NAV2: variants seen among roughly 807,000 people sequenced by gnomAD.
NAV2 encodes helicase, APC down-regulated 1.
In NAV2, 54 loss-of-function variants were observed where a neutral mutation model predicts 223.2. The observed-to-expected ratio is 0.24, with a 90% CI of 0.19 to 0.30. The LOEUF is 0.30. Among genes scored for constraint, NAV2 ranks in the 10% least tolerant of loss-of-function variants. NAV2 has a pLI of 1.00. For missense variants in NAV2, 2,806 were observed against 3,147.5 expected, an observed-to-expected ratio of 0.89 and a Z score of 2.60; for synonymous variants, 1,279 against 1,239.3, an observed-to-expected ratio of 1.03 and a Z score of -0.67.
At chr11:19,374,315 T>G (rs1458111431) in intron 1 of NAV2, among the ~76,000 whole-genome samples, 5 of 147,416 alleles carry the variant, frequency 3.4e-5, no homozygotes, top group African/African-American at 5.3e-5. Flanking sequence ...AAAGGTTTTT[T>G]TTTTTTTTTT....
At chr11:20,098,605 A>G (rs1378129466) in intron 31 of NAV2, among the ~76,000 whole-genome samples, 9 of 152,234 alleles carry the variant, frequency 5.9e-5, no homozygotes, top group African/African-American at 2.2e-4. Context: ...CCTGGTTGGT[A>G]GAATTTCCAC....
intron 10 of NAV2, among the ~76,000 whole-genome samples, chr11:19,973,089 C>T (rs914569710): frequency 3.3e-5 from 5 of 152,200 alleles, no homozygotes; most frequent in Admixed American, 6.5e-5. Context: ...TGTCTATTCT[C>T]AGTACACCGT....
intron 1 of NAV2, among the ~76,000 whole-genome samples, chr11:19,516,336 C>T (rs1386446): frequency 0.3 from 45,800 of 152,080 alleles, 8,069 homozygotes; most frequent in Admixed American, 0.4. Context: ...GCCACCTTTC[C>T]TAACAACTCC....
rs2041587801 is a variant in NAV2, at chr11:19,892,527, C to G, written c.864C>G (p.Ser288Arg). The G allele has an allele frequency of 6.2e-7, 1 of 1,614,114 alleles. No individual in the cohort carries two copies. Among genetic ancestry groups the G allele is most frequent in the Non-Finnish European group, 8.5e-7 (1 of 1,180,046 alleles). Residue 288 changes from serine to arginine, a missense_variant, in exon 6 of 38, where the codon AGC becomes AGG. Physicochemically the swap from Ser to Arg is moderately radical, Grantham distance 110 (BLOSUM62 -1). Coordinates refer to ENST00000349880, the MANE Select transcript of NAV2 (RefSeq NM_145117.5). ...CTGCTAACAACCGACGCAGCCAGAG[C>G]TTTAACAACTATGATAAATCCAAAC... ...STTANNRRSQ[S>R]FNNYDKSKPV...
intron 1 of NAV2, among the ~76,000 whole-genome samples, chr11:19,441,851 G>A (rs867903299): frequency 5.9e-5 from 9 of 152,318 alleles, no homozygotes; most frequent in Middle Eastern, 3.4e-3. Flanking sequence ...TTGAAAGCAA[G>A]CATTAGCACG....
intron 4 of NAV2, among the ~76,000 whole-genome samples, chr11:19,874,280 G>C (rs775304431): frequency 3.9e-5 from 6 of 152,198 alleles, no homozygotes; most frequent in African/African-American, 7.2e-5. Flanking sequence ...AATTCAAATA[G>C]AAATTGGAAT....
At chr11:19,730,996 T>C (rs189802847) in intron 1 of NAV2, among the ~76,000 whole-genome samples, 127 of 152,366 alleles carry the variant, frequency 8.3e-4, no homozygotes, top group Non-Finnish European at 1.7e-3. Context: ...TTGTGGGTCA[T>C]GGGACACACT....
chr11:19,538,170 G>T (rs2044241671), intron 1 of NAV2, among the ~76,000 whole-genome samples: 1 of 152,160 alleles, frequency 6.6e-6, no homozygotes, highest in Non-Finnish European at 1.5e-5. Context: ...AAATGTCATT[G>T]ATATTGGAAG....
intron 9 of NAV2, among the ~76,000 whole-genome samples, chr11:19,948,424 T>C (rs2047109815): frequency 6.6e-6 from 1 of 152,108 alleles, no homozygotes; most frequent in African/African-American, 2.4e-5. Context: ...TTCTAGTAGT[T>C]GAGGTCATTT....
intron 36 of NAV2, among the ~76,000 whole-genome samples, chr11:20,110,874 G>A (rs1160211457): frequency 6.6e-6 from 1 of 152,192 alleles, no homozygotes; most frequent in Non-Finnish European, 1.5e-5. Flanking sequence ...TCTAGGCTGA[G>A]AACAGGTGGA....
At position 19,913,465 on chromosome 11, in the gene NAV2, C is replaced by T. The variant is rs1176871007; in HGVS notation, c.932-19711C>T. On this transcript the variant is annotated intron_variant, in intron 6 of 37. Coordinates refer to ENST00000349880, the MANE Select transcript of NAV2 (RefSeq NM_145117.5). ...TCCTGTCAGCTGGGTTTCTGGCTAG[C>T]TTTCTTAAGCTCACACCAATCCCTG... Among the ~76,000 whole-genome samples, 6 of 152,296 alleles carry T rather than the reference C, an allele frequency of 3.9e-5. No homozygotes were observed. The East Asian group carries it at 1.2e-3, about 29-fold the overall frequency.
At chr11:19,496,371 G>C (rs764488569) in intron 1 of NAV2, among the ~76,000 whole-genome samples, 2 of 152,222 alleles carry the variant, frequency 1.3e-5, no homozygotes, top group Non-Finnish European at 2.9e-5. Flanking sequence ...TTGCATTCAA[G>C]ATGTTTTCTG....
intron 1 of NAV2, among the ~76,000 whole-genome samples, chr11:19,826,298 C>A (rs912041657): frequency 7.2e-5 from 11 of 152,164 alleles, no homozygotes; most frequent in African/African-American, 2.7e-4. Flanking sequence ...AATTTTCCAT[C>A]ATTTTAGGGA....
chr11:19,533,793 G>A (rs1329576420), intron 1 of NAV2, among the ~76,000 whole-genome samples: 1 of 127,190 alleles, frequency 7.9e-6, no homozygotes. Context: ...TGCAAGCTCC[G>A]CCTCCCGGGT....
chr11:19,443,441 A>T (rs1449209139), intron 1 of NAV2, among the ~76,000 whole-genome samples: 1 of 152,096 alleles, frequency 6.6e-6, no homozygotes, highest in Non-Finnish European at 1.5e-5. Flanking sequence ...GCCATGGACC[A>T]CTCTGAGATA....
At chr11:19,604,650 G>A (rs1228544165) in intron 1 of NAV2, among the ~76,000 whole-genome samples, 20 of 152,128 alleles carry the variant, frequency 1.3e-4, no homozygotes, top group Admixed American at 1.2e-3. Context: ...CATGAGATGG[G>A]CACTTTTATC....
chr11:20,036,787 C>G (rs1052132589), intron 12 of NAV2, among the ~76,000 whole-genome samples: 1 of 152,224 alleles, frequency 6.6e-6, no homozygotes, highest in Non-Finnish European at 1.5e-5. Context: ...TATCCAACCC[C>G]TTAGACCTGC....
At chr11:19,828,327 T>C (rs1449353477) in intron 1 of NAV2, among the ~76,000 whole-genome samples, 1 of 144,710 alleles carries the variant, frequency 6.9e-6, no homozygotes, top group Non-Finnish European at 1.5e-5. Flanking sequence ...ACCAAAACTC[T>C]GTACCCATAA....
intron 11 of NAV2, among the ~76,000 whole-genome samples, chr11:20,025,866 C>T (rs1004856627): frequency 6.6e-6 from 1 of 152,200 alleles, no homozygotes; most frequent in African/African-American, 2.4e-5. Flanking sequence ...TGTAGGCCTG[C>T]ATCTCCTTCC....
Sources: gnomAD v4.1 joint callset for allele counts (sites outside exome capture counted in the v4.1 genomes callset) on GRCh38, gnomAD v4.1.1 for gene constraint, MANE v1.5 for transcripts, NCBI Gene and HGNC (gene_info 2026-07-23, HGNC 2026-07-21) for gene names.